RNLS: variants seen among roughly 807,000 people sequenced by gnomAD.
The protein encoded by RNLS is renalase.
Under a neutral mutation model 39.8 loss-of-function variants are expected in RNLS, and 39 were observed. The ratio of observed to expected loss-of-function variants is 0.98; its 90% confidence interval spans 0.76 to 1.28. The LOEUF (loss-of-function observed/expected upper bound fraction) is 1.28. Among genes scored for constraint, RNLS ranks in the 50% most tolerant of loss-of-function variants. The pLI is 0.00. For missense variants in RNLS, 410 were observed against 413.3 expected, an observed-to-expected ratio of 0.99 and a Z score of 0.07; for synonymous variants, 147 against 150.7, an observed-to-expected ratio of 0.98 and a Z score of 0.18.
At chr10:88,376,840 A>T (rs1402228198) in intron 4 of RNLS, among the ~76,000 whole-genome samples, 3 of 152,176 alleles carry the variant, frequency 2.0e-5, no homozygotes, top group Non-Finnish European at 4.4e-5. Context: ...ACAATATTTT[A>T]AAAATATCAA....
intron 4 of RNLS, among the ~76,000 whole-genome samples, chr10:88,424,941 A>C (rs896766065): frequency 6.6e-6 from 1 of 152,150 alleles, no homozygotes; most frequent in Admixed American, 6.6e-5. Context: ...CTCATTCACT[A>C]GAATATAAAA....
chr10:88,479,639 G>C (rs2134012673), intron 4 of RNLS, among the ~76,000 whole-genome samples: 1 of 152,098 alleles, frequency 6.6e-6, no homozygotes, highest in South Asian at 2.1e-4. Context: ...TTGATTCTTA[G>C]CCTAGTTTTA....
the RNLS span, among the ~76,000 whole-genome samples, chr10:88,219,760 T>C: frequency 2.6e-5 from 4 of 152,152 alleles, no homozygotes; most frequent in Non-Finnish European, 4.4e-5. Context: ...CTTGTTGAGA[T>C]TTAAAAAAAT....
At chr10:88,327,760 G>A (rs761011786) in intron 5 of RNLS, among the ~76,000 whole-genome samples, 8 of 152,032 alleles carry the variant, frequency 5.3e-5, no homozygotes, top group Middle Eastern at 3.2e-3. Flanking sequence ...ATGTATGTAC[G>A]TATGTATGTA....
chr10:88,327,268 G>T (rs1332589660), intron 5 of RNLS, among the ~76,000 whole-genome samples: 1 of 152,098 alleles, frequency 6.6e-6, no homozygotes, highest in African/African-American at 2.4e-5. Context: ...ATATAATTTG[G>T]CTGTGTCTCC....
intron 5 of RNLS, among the ~76,000 whole-genome samples, chr10:88,342,319 A>G (rs1413793036): frequency 6.6e-6 from 1 of 152,216 alleles, no homozygotes; most frequent in Non-Finnish European, 1.5e-5. Context: ...GTTAATACAT[A>G]TTCCCTATTT....
rs183802122 is a variant in RNLS, at chr10:88,379,819, C to A, written c.527-17094G>T. ...CCAGCCATCATGTTGTGAAGAATCT[C>A]AGGACATTTACAGAGGCTTCATAGG... On this transcript the variant is annotated intron_variant, in intron 4 of 6. Coordinates refer to ENST00000331772, the MANE Select transcript of RNLS (RefSeq NM_001031709.3). Among the ~76,000 whole-genome samples the A allele has an allele frequency of 5.9e-5, 9 of 152,268 alleles. No individual in the cohort carries two copies. The East Asian group carries it at 1.7e-3, about 29-fold the overall frequency.
At chr10:88,457,174 G>A (rs1486938809) in intron 4 of RNLS, among the ~76,000 whole-genome samples, 1 of 152,116 alleles carries the variant, frequency 6.6e-6, no homozygotes, top group African/African-American at 2.4e-5. Flanking sequence ...GTGGCTTGAG[G>A]GATTTTAACT....
At chr10:88,570,989 G>GT (rs144516764) in intron 4 of RNLS, among the ~76,000 whole-genome samples, 50,514 of 126,550 alleles carry the variant, frequency 0.4, 9,767 homozygotes, top group African/African-American at 0.49. Context: ...TTTTTGGTTT[G>GT]TTTTTTTTTT....
chr10:88,192,191 C>T, the RNLS span, among the ~76,000 whole-genome samples: 104 of 152,124 alleles, frequency 6.8e-4, 1 homozygote, highest in African/African-American at 2.4e-3. Flanking sequence ...ACATGCACCA[C>T]GGGACCTTGC....
chr10:88,573,790 T>C (rs892993100), intron 3 of RNLS, among the ~76,000 whole-genome samples: 6 of 151,602 alleles, frequency 4.0e-5, no homozygotes, highest in Admixed American at 2.0e-4. Flanking sequence ...TTTATTTCTA[T>C]GTATAGCATA....
At chr10:88,572,771 G>GT in intron 4 of RNLS, 132 bp downstream of exon 4, 1 of 872,784 alleles carries the variant, frequency 1.1e-6, no homozygotes, top group Non-Finnish European at 1.7e-6. Flanking sequence ...ACGGCCGTAA[G>GT]TATCAGTTTT....
the RNLS span, among the ~76,000 whole-genome samples, chr10:88,267,415 A>C: frequency 6.6e-6 from 1 of 152,068 alleles, no homozygotes; most frequent in Non-Finnish European, 1.5e-5. Context: ...CTCTTCACCA[A>C]AGGGGAAAAA....
intron 4 of RNLS, among the ~76,000 whole-genome samples, chr10:88,486,149 G>A (rs1349125061): frequency 2.0e-5 from 3 of 151,974 alleles, no homozygotes; most frequent in African/African-American, 7.2e-5. Flanking sequence ...AAATGATGCT[G>A]GTATAACTGG....
intron 4 of RNLS, among the ~76,000 whole-genome samples, chr10:88,488,777 A>G (rs1314254822): frequency 6.6e-6 from 1 of 152,176 alleles, no homozygotes. Flanking sequence ...TATTATGTAA[A>G]AGCGGAAAGT....
At chr10:88,487,006 C>T (rs938942810) in intron 4 of RNLS, among the ~76,000 whole-genome samples, 3 of 152,136 alleles carry the variant, frequency 2.0e-5, no homozygotes, top group African/African-American at 7.2e-5. Context: ...TACATATACA[C>T]AATGGAATAC....
chr10:88,246,253 T>C, the RNLS span, among the ~76,000 whole-genome samples: 1 of 152,178 alleles, frequency 6.6e-6, no homozygotes, highest in African/African-American at 2.4e-5. Flanking sequence ...ATATTCTAAG[T>C]GCAACAGCTC....
At chr10:88,508,798 C>T (rs1440487986) in intron 4 of RNLS, among the ~76,000 whole-genome samples, 9 of 151,590 alleles carry the variant, frequency 5.9e-5, no homozygotes, top group Admixed American at 2.6e-4. Flanking sequence ...AGGAAAACTA[C>T]GCAAAAATTT....
chr10:88,512,558 T>C (rs1354923600), intron 4 of RNLS, among the ~76,000 whole-genome samples: 3 of 152,122 alleles, frequency 2.0e-5, no homozygotes, highest in Non-Finnish European at 4.4e-5. Context: ...GATCAAAAAG[T>C]AATTTTTAAA....
Sources: gnomAD v4.1 joint callset for allele counts (sites outside exome capture counted in the v4.1 genomes callset) on GRCh38, gnomAD v4.1.1 for gene constraint, MANE v1.5 for transcripts, NCBI Gene and HGNC (gene_info 2026-07-23, HGNC 2026-07-21) for gene names.